TALDO1: variants seen among roughly 807,000 people sequenced by gnomAD.
TALDO1 encodes transaldolase 1, also known as transaldolase.
In TALDO1, 29 loss-of-function variants were observed where a neutral mutation model predicts 38.1. That is an observed-to-expected ratio of 0.76 (90% CI 0.57 to 1.04). The LOEUF is 1.04. Ranked by LOEUF, TALDO1 falls within the 50% of genes least tolerant of loss-of-function variation. The probability of loss-of-function intolerance (pLI) is 0.00; values close to 1 mark genes in which losing one functional copy is unlikely to be tolerated. For synonymous variants in TALDO1, 207 were observed against 176.8 expected, an observed-to-expected ratio of 1.17 and a Z score of -1.36; for missense variants, 499 against 438.1, an observed-to-expected ratio of 1.14 and a Z score of -1.24.
intron 4 of TALDO1, 35 bp from the exon 5 acceptor site, chr11:763,309 C>G (rs774431473): frequency 2.4e-5 from 19 of 782,632 alleles, no homozygotes; most frequent in Non-Finnish European, 3.3e-5. Flanking sequence ...TCCCCGCCCT[C>G]ACCTGCCCCG....
chr11:761,703 G>A (rs1862926931), intron 4 of TALDO1, among the ~76,000 whole-genome samples: 1 of 152,200 alleles, frequency 6.6e-6, no homozygotes, highest in Non-Finnish European at 1.5e-5. Context: ...CTCTGAGATA[G>A]CATCTCACTT....
intron 1 of TALDO1, among the ~76,000 whole-genome samples, chr11:751,435 T>C (rs1862749193): frequency 6.6e-6 from 1 of 152,114 alleles, no homozygotes; most frequent in Non-Finnish European, 1.5e-5. Flanking sequence ...TTTGGGAGGC[T>C]GAGGCAGAAG....
chr11:750,959 G>A (rs777426577), intron 1 of TALDO1, among the ~76,000 whole-genome samples: 1 of 152,200 alleles, frequency 6.6e-6, no homozygotes, highest in Non-Finnish European at 1.5e-5. Flanking sequence ...GTTAAGCCTC[G>A]TTGGCTTCTT....
Position 758,904 on chromosome 11 carries a change from G to T in TALDO1, c.222-46G>T. The stretch of plus-strand genomic sequence containing the variant: ...ACAGGCGTGAGCCACCGCACCTGGC[G>T]AACCTCAGAAGCTTCTAACCTGCTT... On this transcript the variant is annotated intron_variant, in intron 2 of 7. Transcript: ENST00000319006. 2 of 1,552,464 alleles carry T rather than the reference G, an allele frequency of 1.3e-6. 1 individual carries two copies. Among genetic ancestry groups the T allele is most frequent in the South Asian group, 2.2e-5 (2 of 89,642 alleles).
chr11:764,712 G>C (rs1213843503), intron 7 of TALDO1, 101 bp from the exon 8 acceptor site: 3 of 1,581,174 alleles, frequency 1.9e-6, no homozygotes, highest in East Asian at 2.2e-5. Context: ...ACAGAGTGCA[G>C]ACCCCACAAG....
Position 752,959 on chromosome 11 carries a change from T to C in TALDO1, c.98-2920T>C, listed in dbSNP as rs115860022. Among the ~76,000 whole-genome samples, 716 of 152,198 alleles carry C rather than the reference T, an allele frequency of 4.7e-3. 5 individuals are homozygous for C. The highest frequency in any genetic ancestry group is 0.017 in the African/African-American group (689 of 41,534). The stretch of plus-strand genomic sequence containing the variant: ...TGTCTCCAGGTAGACAGGGTTGGAA[T>C]TGAATTGGAGGATGCCCAGCTGGTA... On this transcript the variant is annotated intron_variant, in intron 1 of 7. Coordinates refer to ENST00000319006, the MANE Select transcript of TALDO1 (RefSeq NM_006755.2).
intron 3 of TALDO1, 52 bp from the exon 4 acceptor site, chr11:760,070 G>C: frequency 6.2e-7 from 1 of 1,611,134 alleles, no homozygotes; most frequent in Non-Finnish European, 8.5e-7. Flanking sequence ...CTTGCTCTGC[G>C]TGGTGGGCAA....
At chr11:756,139 T>C (rs143370892) in intron 2 of TALDO1, 137 bp downstream of exon 2, 2 of 1,312,844 alleles carry the variant, frequency 1.5e-6, no homozygotes, top group Non-Finnish European at 2.0e-6. Context: ...TTTTTGCCTA[T>C]TTTTGTTTAT....
At position 764,960 on chromosome 11, in the gene TALDO1, A is replaced by G. The variant is rs1490814067; in HGVS notation, c.*115A>G. On this transcript the variant is annotated 3_prime_UTR_variant, in exon 8 of 8. Transcript: ENST00000319006. ...AAATTGGAGCAGGGACAGATCATAGATTTCTGATTTTATGTAAAATTTTGC... is the reference window on the plus strand; with the variant it reads ...AAATTGGAGCAGGGACAGATCATAGGTTTCTGATTTTATGTAAAATTTTGC... 1.8e-5 allele frequency: 26 copies of G among 1,451,272 alleles called. No individual in the cohort carries two copies. The highest frequency in any genetic ancestry group is 9.6e-7 in the Non-Finnish European group (1 of 1,039,040). 89.9% of individuals were successfully genotyped at this position (1,451,272 alleles called of 1,614,324 possible).
At chr11:748,245 C>T (rs978413758) in intron 1 of TALDO1, among the ~76,000 whole-genome samples, 5 of 152,224 alleles carry the variant, frequency 3.3e-5, no homozygotes, top group Non-Finnish European at 7.3e-5. Flanking sequence ...CCCTGCGGTG[C>T]CCAGTGGGAC....
intron 6 of TALDO1, 91 bp downstream of exon 6, chr11:764,035 G>A: frequency 1.3e-6 from 2 of 1,497,672 alleles, no homozygotes; most frequent in Non-Finnish European, 9.0e-7. Context: ...TCCCACCTGT[G>A]GGGCGAGCTC....
rs545269145 is a variant in TALDO1, at chr11:760,270, A to G, written c.461+17A>G. 2 of 1,613,394 alleles carry G rather than the reference A, an allele frequency of 1.2e-6. No individual in the cohort carries two copies. The highest frequency in any genetic ancestry group is 2.2e-5 in the East Asian group (1 of 44,880). On this transcript the variant is annotated intron_variant, in intron 4 of 7. Coordinates refer to ENST00000319006, the MANE Select transcript of TALDO1 (RefSeq NM_006755.2). ...GGCTGGAAAGTAAGTGGTCCCCCAC[A>G]AGGAAGGAGCTCTCAGAGATTTTTC...
chr11:749,545 G>C (rs1027332565), intron 1 of TALDO1, among the ~76,000 whole-genome samples: 2 of 152,132 alleles, frequency 1.3e-5, no homozygotes, highest in Non-Finnish European at 2.9e-5. Context: ...GTGATCTGTA[G>C]TTTGTGAAGT....
intron 4 of TALDO1, 170 bp downstream of exon 4, chr11:760,423 T>C: frequency 1.1e-6 from 1 of 938,696 alleles, no homozygotes; most frequent in Admixed American, 2.3e-5. Flanking sequence ...ATCTGCCCTC[T>C]GCTCCAGAGC....
At chr11:750,587 G>C (rs1399871992) in intron 1 of TALDO1, among the ~76,000 whole-genome samples, 3 of 152,162 alleles carry the variant, frequency 2.0e-5, no homozygotes, top group Non-Finnish European at 4.4e-5. Context: ...CACTTTGGGA[G>C]GCCGAGGCAG....
intron 1 of TALDO1, 126 bp from the exon 2 acceptor site, chr11:755,753 T>A: frequency 7.1e-7 from 1 of 1,405,838 alleles, no homozygotes. Flanking sequence ...GAAGTGTGGC[T>A]GGACCCCGCT....
In TALDO1 at chr11:764,056, A is replaced by G. The variant is rs1863007114; in HGVS notation, c.835+112A>G. On this transcript the variant is annotated intron_variant, in intron 6 of 7. Coordinates refer to ENST00000319006, the MANE Select transcript of TALDO1 (RefSeq NM_006755.2). ...CTGTGGGGCGAGCTCATCTTGGGAG[A>G]CATGAGGGTGAAGTAGACCTCAACG... 9.2e-6 allele frequency: 13 copies of G among 1,413,994 alleles called. No homozygotes were observed. The South Asian group carries it at 1.6e-4, about 18-fold the overall frequency. 87.6% of individuals were successfully genotyped at this position (1,413,994 alleles called of 1,614,324 possible).
rs142392037 is a variant in TALDO1 at position 757,417 on chromosome 11, C to T, written c.221+1415C>T. Among the ~76,000 whole-genome samples the T allele has an allele frequency of 2.3e-4, 35 of 152,034 alleles. No individual in the cohort carries two copies. The East Asian group carries it at 6.6e-3, about 29-fold the overall frequency. ...AAGCCAGCCTCCCACCTCAGCCTCC[C>T]AAGTAGCTGGGACTACAGGTGCACG... On this transcript the variant is annotated intron_variant, in intron 2 of 7. Transcript: ENST00000319006.
At chr11:757,530 G>C (rs1313418547) in intron 2 of TALDO1, among the ~76,000 whole-genome samples, 1 of 152,112 alleles carries the variant, frequency 6.6e-6, no homozygotes, top group Non-Finnish European at 1.5e-5. Flanking sequence ...CTGAGCTTGA[G>C]CAGTCTGCCC....
Sources: allele counts gnomAD v4.1 joint callset (sites outside exome capture counted in the v4.1 genomes callset), GRCh38; gene constraint gnomAD v4.1.1; transcripts MANE v1.5; gene names NCBI Gene and HGNC (gene_info 2026-07-23, HGNC 2026-07-21).